ADGB: variants seen among roughly 807,000 people sequenced by gnomAD.
The protein encoded by ADGB is calpain-7-like protein.
A neutral mutation model predicts 210.5 loss-of-function variants in ADGB; 172 were observed. The ratio of observed to expected loss-of-function variants is 0.82; its 90% CI spans 0.72 to 0.93. The LOEUF (loss-of-function observed/expected upper bound fraction) is 0.93, where lower values mean the gene tolerates loss of function less well. Among genes scored for constraint, ADGB ranks in the 40% least tolerant of loss-of-function variants. The pLI, the probability that ADGB is intolerant of heterozygous loss-of-function variation, is 0.00. For synonymous variants in ADGB, 658 were observed against 662.7 expected (o/e 0.99, Z 0.11); for missense variants, 2,025 against 1,964.8 (o/e 1.03, Z -0.58).
intron 7 of ADGB, among the ~76,000 whole-genome samples, chr6:146,668,255 G>A (rs1162097012): frequency 6.6e-6 from 1 of 152,044 alleles, no homozygotes; most frequent in African/African-American, 2.4e-5. Context: ...CTACAGTACA[G>A]TTATCAACCT....
intron 1 of ADGB, among the ~76,000 whole-genome samples, chr6:146,602,478 A>G (rs1780572530): frequency 6.6e-6 from 1 of 152,258 alleles, no homozygotes; most frequent in South Asian, 2.1e-4. Context: ...TAACTTTAAC[A>G]TAACATCACA....
rs1377861952 is a variant in ADGB at position 146,786,177 on chromosome 6, A to ATG, written c.4315+466_4315+467insGT. Among the ~76,000 whole-genome samples the ATG allele has an allele frequency of 6.3e-4, 92 of 147,192 alleles. 1 individual carries two copies. The highest frequency in any genetic ancestry group is 1.2e-3 in the Non-Finnish European group (79 of 67,010). On this transcript the variant is annotated intron_variant, in intron 32 of 35. Coordinates refer to ENST00000397944, the MANE Select transcript of ADGB (RefSeq NM_024694.4). ...TATATTTAAGTTAGTATATATATAT[A>ATG]TTTAAGTATATATTATATTATATAT...
At position 146,676,348 on chromosome 6, in the gene ADGB, A is replaced by G; in HGVS notation, c.1123A>G (p.Ser375Gly). The change falls in exon 9 of 36, where the codon AGC becomes GGC. Residue 375 changes from serine (S) to glycine (G), a missense_variant. Ser to Gly is a moderately conservative substitution (Grantham distance 56, BLOSUM62 0). Coordinates refer to ENST00000397944, the MANE Select transcript of ADGB (RefSeq NM_024694.4). ...TGCAAGAGACATTGGAAAGAAGAGA[A>G]GCAAAGATGGAGAAAAAGAAAAATT... ...ADARDIGKKR[S>G]KDGEKEKFKF... The G allele has an allele frequency of 1.3e-6, 2 of 1,549,678 alleles. No individual in the cohort carries two copies. Among genetic ancestry groups the G allele is most frequent in the Non-Finnish European group, 1.7e-6 (2 of 1,145,846 alleles).
chr6:146,699,590 G>A (rs1196471967), intron 12 of ADGB, among the ~76,000 whole-genome samples: 2 of 152,042 alleles, frequency 1.3e-5, no homozygotes, highest in African/African-American at 4.8e-5. Context: ...CACTCTCACA[G>A]ACACACCCAG....
chr6:146,756,744 T>C (rs1777411596), intron 27 of ADGB, among the ~76,000 whole-genome samples: 1 of 148,096 alleles, frequency 6.8e-6, no homozygotes, highest in African/African-American at 2.5e-5. Context: ...TGTTCCTAAA[T>C]TTTTTTTTTT....
At chr6:146,709,973 G>A (rs1776636894) in intron 13 of ADGB, among the ~76,000 whole-genome samples, 1 of 152,002 alleles carries the variant, frequency 6.6e-6, no homozygotes, top group Admixed American at 6.6e-5. Flanking sequence ...ATACAGGAAA[G>A]TCTTGTTCTT....
At chr6:146,740,706 A>G (rs563950969) in intron 24 of ADGB, 113 bp downstream of exon 24, 149 of 1,063,756 alleles carry the variant, frequency 1.4e-4, no homozygotes, top group Non-Finnish European at 1.8e-4. Flanking sequence ...TTCATAAGTT[A>G]GTTAAAATTC....
chr6:146,653,605 G>A (rs1239025766), intron 3 of ADGB, among the ~76,000 whole-genome samples: 1 of 152,076 alleles, frequency 6.6e-6, no homozygotes, highest in African/African-American at 2.4e-5. Context: ...GAGGGTGGGA[G>A]GAGGGAGAGG....
In ADGB at chr6:146,782,208, T is replaced by A; in HGVS notation, c.4035+16T>A. ...TGAGCCTCAGGTGGGTGTGGAATTTTTTTTATTTGAGTGACTTAATGATTT... is the reference window on the plus strand; with the variant it reads ...TGAGCCTCAGGTGGGTGTGGAATTTATTTTATTTGAGTGACTTAATGATTT... On this transcript the variant is annotated intron_variant, in intron 30 of 35. Coordinates refer to ENST00000397944, the MANE Select transcript of ADGB (RefSeq NM_024694.4). The A allele has an allele frequency of 6.6e-7, 1 of 1,508,252 alleles. No homozygotes were observed. The highest frequency in any genetic ancestry group is 8.8e-7 in the Non-Finnish European group (1 of 1,132,280). 93.4% of individuals were successfully genotyped at this position (1,508,252 alleles called of 1,614,324 possible). A position where few individuals can be genotyped will look rare whatever the true frequency, so the allele number is the denominator to read the frequency against.
intron 25 of ADGB, among the ~76,000 whole-genome samples, chr6:146,742,743 C>T (rs965542520): frequency 6.6e-6 from 1 of 152,178 alleles, no homozygotes; most frequent in African/African-American, 2.4e-5. Context: ...ATTTATTCTT[C>T]CCCATGTTCT....
intron 23 of ADGB, 55 bp from the exon 24 acceptor site, chr6:146,740,403 GT>G: frequency 7.2e-7 from 1 of 1,393,272 alleles, no homozygotes; most frequent in Non-Finnish European, 9.6e-7. Context: ...TGTAAATAGA[GT>G]TTATCTTTAA....
chr6:146,655,487 T>C (rs1403333058), intron 4 of ADGB, among the ~76,000 whole-genome samples: 1 of 152,184 alleles, frequency 6.6e-6, no homozygotes, highest in Non-Finnish European at 1.5e-5. Flanking sequence ...TCCACTCCTC[T>C]ATGTTAATTA....
intron 2 of ADGB, among the ~76,000 whole-genome samples, chr6:146,638,363 A>C (rs1583569264): frequency 1.3e-5 from 2 of 152,116 alleles, no homozygotes; most frequent in African/African-American, 4.8e-5. Flanking sequence ...CCAAATGTCC[A>C]ACAATGATAG....
intron 28 of ADGB, among the ~76,000 whole-genome samples, chr6:146,767,075 T>C (rs375464267): frequency 3.4e-4 from 52 of 152,342 alleles, no homozygotes; most frequent in African/African-American, 1.2e-3. Flanking sequence ...AAATGTTACA[T>C]GCCAAAAATT....
At chr6:146,692,727 G>C in intron 11 of ADGB, 98 bp from the exon 12 acceptor site, 1 of 531,774 alleles carries the variant, frequency 1.9e-6, no homozygotes, top group Non-Finnish European at 3.2e-6. Flanking sequence ...TGAGTAAATA[G>C]TTAATCTATC....
At chr6:146,755,126 T>C (rs1777387735) in intron 27 of ADGB, among the ~76,000 whole-genome samples, 2 of 152,088 alleles carry the variant, frequency 1.3e-5, no homozygotes. Flanking sequence ...TAAAACAACC[T>C]TCTCTTAACT....
chr6:146,671,122 G>A (rs563105872), intron 7 of ADGB, among the ~76,000 whole-genome samples: 2 of 152,186 alleles, frequency 1.3e-5, no homozygotes, highest in Non-Finnish European at 2.9e-5. Flanking sequence ...GATCTAGATA[G>A]ATAGGCCTTT....
chr6:146,631,975 A>C (rs1035764118), intron 1 of ADGB, among the ~76,000 whole-genome samples: 7 of 151,922 alleles, frequency 4.6e-5, no homozygotes, highest in South Asian at 4.2e-4. Context: ...AAAAAAAAAA[A>C]AAACAAAAAA....
At chr6:146,640,344 T>C (rs970074937) in intron 2 of ADGB, among the ~76,000 whole-genome samples, 1 of 152,000 alleles carries the variant, frequency 6.6e-6, no homozygotes, top group Non-Finnish European at 1.5e-5. Flanking sequence ...AAAGACGAGC[T>C]GGTACCATTT....
Sources: allele counts gnomAD v4.1 joint callset (sites outside exome capture counted in the v4.1 genomes callset), GRCh38; gene constraint gnomAD v4.1.1; transcripts MANE v1.5; gene names NCBI Gene and HGNC (gene_info 2026-07-23, HGNC 2026-07-21).